GABBR2: variants seen among roughly 807,000 people sequenced by gnomAD.
GABBR2 encodes gamma-aminobutyric acid type B receptor subunit 2, also known as G-protein coupled receptor 51.
In GABBR2, 23 loss-of-function variants were observed where a neutral mutation model predicts 105.6. The observed-to-expected ratio is 0.22, with a 90% CI of 0.16 to 0.31. The LOEUF (loss-of-function observed/expected upper bound fraction) is 0.31. GABBR2 is among the 10% of genes least tolerant of loss of function. The probability of loss-of-function intolerance (pLI) is 1.00; values close to 1 mark genes in which losing one functional copy is unlikely to be tolerated. For synonymous variants in GABBR2, 478 were observed against 499.7 expected (o/e 0.96, Z 0.58); for missense variants, 734 against 1,245.5 (o/e 0.59, Z 6.18).
chr9:98,700,009 A>C (rs1830808934), intron 1 of GABBR2, among the ~76,000 whole-genome samples: 1 of 152,228 alleles, frequency 6.6e-6, no homozygotes, highest in South Asian at 2.1e-4. Context: ...ACTCCCAAAC[A>C]ACATGGAGGA....
chr9:98,494,759 T>A (rs956125894), intron 4 of GABBR2, among the ~76,000 whole-genome samples: 2 of 152,232 alleles, frequency 1.3e-5, no homozygotes, highest in African/African-American at 4.8e-5. Context: ...GGTGGCTATT[T>A]CGGCTGTTAT....
chr9:98,419,865 C>T (rs544569492), intron 7 of GABBR2, among the ~76,000 whole-genome samples: 35 of 152,206 alleles, frequency 2.3e-4, no homozygotes, highest in South Asian at 1.5e-3. Flanking sequence ...GTCCAATTCC[C>T]GAGTGAATTC....
intron 1 of GABBR2, among the ~76,000 whole-genome samples, chr9:98,662,511 G>A (rs1830277332): frequency 6.6e-6 from 1 of 152,234 alleles, no homozygotes; most frequent in Non-Finnish European, 1.5e-5. Flanking sequence ...ATCTCATGTA[G>A]ATGAAGGGCA....
chr9:98,607,962 C>T (rs767789447), intron 1 of GABBR2: 24 of 1,312,068 alleles, frequency 1.8e-5, no homozygotes, highest in East Asian at 2.5e-5. Context: ...TGAGCTCCAG[C>T]GGCACCATGA....
chr9:98,434,637 C>G (rs989885371), intron 7 of GABBR2, among the ~76,000 whole-genome samples: 1 of 152,208 alleles, frequency 6.6e-6, no homozygotes, highest in Non-Finnish European at 1.5e-5. Context: ...CCACTGGGCC[C>G]AGTTGACCAA....
chr9:98,454,354 A>C lies in GABBR2; in HGVS notation c.1000-137T>G. ...TGCTAGATTCTACGTGCATTATCTC[A>C]TTTAACCCTCACAACAACCTCATAA... is the stretch of plus-strand genomic sequence containing the variant. On this transcript the variant is annotated intron_variant, in intron 6 of 18. Transcript: ENST00000259455. The surrounding 1 kb of genome is among the most constrained non-coding windows in gnomAD (Gnocchi z 4.6). 3.1e-5 allele frequency: 21 copies of C among 679,222 alleles called. No homozygotes were observed. Among genetic ancestry groups the C allele is most frequent in the East Asian group, 7.6e-5 (3 of 39,404 alleles). The allele number at this position is 679,222 out of a possible 1,614,324, so 42.1% of individuals were successfully genotyped here. A position where few individuals can be genotyped will look rare whatever the true frequency, so the allele number is the denominator to read the frequency against.
chr9:98,635,967 C>G (rs1170028710), intron 1 of GABBR2, among the ~76,000 whole-genome samples: 1 of 152,178 alleles, frequency 6.6e-6, no homozygotes, highest in African/African-American at 2.4e-5. Flanking sequence ...CCACCATGCA[C>G]CCGGTTCTGA....
chr9:98,673,080 G>A (rs1319657204), intron 1 of GABBR2, among the ~76,000 whole-genome samples: 1 of 152,188 alleles, frequency 6.6e-6, no homozygotes, highest in East Asian at 1.9e-4. Context: ...ACTGAGGTGG[G>A]AAATAGATGA....
intron 17 of GABBR2, among the ~76,000 whole-genome samples, chr9:98,297,582 C>T (rs935394713): frequency 6.6e-6 from 1 of 151,626 alleles, no homozygotes; most frequent in African/African-American, 2.4e-5. Context: ...CATTGCACTC[C>T]AGCCTGGGCA....
At chr9:98,383,605 G>C (rs1832018362) in intron 11 of GABBR2, among the ~76,000 whole-genome samples, 1 of 152,058 alleles carries the variant, frequency 6.6e-6, no homozygotes, top group African/African-American at 2.4e-5. Flanking sequence ...CAGTTACTGG[G>C]GACTCGACCA....
At chr9:98,383,945 C>G (rs1445135617) in intron 11 of GABBR2, among the ~76,000 whole-genome samples, 1 of 152,258 alleles carries the variant, frequency 6.6e-6, no homozygotes, top group East Asian at 1.9e-4. Context: ...AGCCTTCAGC[C>G]CTCATCATCC....
At chr9:98,439,285 C>T (rs2131584875) in intron 7 of GABBR2, among the ~76,000 whole-genome samples, 1 of 152,282 alleles carries the variant, frequency 6.6e-6, no homozygotes, top group African/African-American at 2.4e-5. Context: ...CCAGGCTGTC[C>T]TCCAGGGCCT....
At chr9:98,332,262 C>A (rs1831040843) in intron 13 of GABBR2, among the ~76,000 whole-genome samples, 1 of 152,142 alleles carries the variant, frequency 6.6e-6, no homozygotes, top group South Asian at 2.1e-4. Flanking sequence ...ATCTATCCTG[C>A]ACGTTTGCTC....
intron 17 of GABBR2, among the ~76,000 whole-genome samples, chr9:98,298,383 C>T (rs1056721659): frequency 7.9e-5 from 12 of 152,210 alleles, no homozygotes; most frequent in African/African-American, 2.7e-4. Flanking sequence ...TTCTCACCTA[C>T]AGACAGCACT....
rs1404730439 is a variant in GABBR2, at chr9:98,560,490, CACACATACACACAAAAT to C, written c.459+17428_459+17444del. On this transcript the variant is annotated intron_variant, in intron 2 of 18. Transcript: ENST00000259455. ...GCACACACACACACATATACACACA[CACACATACACACAAAAT>C]ACACATACACACATACACACACACA... Among the ~76,000 whole-genome samples the C allele has an allele frequency of 4.7e-5, 7 of 149,554 alleles. No homozygotes were observed. In the South Asian group the frequency reaches 6.4e-4, roughly 14 times the overall value.
At chr9:98,303,641 G>A (rs562857519) in intron 15 of GABBR2, among the ~76,000 whole-genome samples, 2 of 152,322 alleles carry the variant, frequency 1.3e-5, no homozygotes, top group African/African-American at 2.4e-5. Flanking sequence ...AAGCCTCCAT[G>A]TCCTTCCTGG....
At chr9:98,518,720 T>G (rs1827808404) in intron 3 of GABBR2, among the ~76,000 whole-genome samples, 2 of 152,148 alleles carry the variant, frequency 1.3e-5, no homozygotes, top group Non-Finnish European at 2.9e-5. Flanking sequence ...CCCAGGTGTC[T>G]GGGGGAGGAT....
intron 1 of GABBR2, among the ~76,000 whole-genome samples, chr9:98,669,158 A>G (rs1354731793): frequency 6.6e-6 from 1 of 152,168 alleles, no homozygotes; most frequent in Non-Finnish European, 1.5e-5. Context: ...TTTTACCACC[A>G]GCAATGCAGA....
At chr9:98,516,915 C>T (rs913945536) in intron 3 of GABBR2, among the ~76,000 whole-genome samples, 4 of 152,216 alleles carry the variant, frequency 2.6e-5, no homozygotes, top group African/African-American at 9.7e-5. Flanking sequence ...GACACTGGTA[C>T]AGGAGGGAGG....
Sources: gnomAD v4.1 joint callset for allele counts (sites outside exome capture counted in the v4.1 genomes callset) on GRCh38, gnomAD v4.1.1 for gene constraint, Gnocchi (gnomAD v3.1) non-coding constraint, MANE v1.5 for transcripts, NCBI Gene and HGNC (gene_info 2026-07-23, HGNC 2026-07-21) for gene names.